The following ADAMTSL1 variants were observed in gnomAD, a reference collection of about 807,000 sequenced individuals.
ADAMTSL1 encodes ADAMTS like 1, also known as ADAMTS-like protein 1.
ADAMTSL1 carries 126 observed loss-of-function variants against 201.8 expected under a neutral mutation model. That is an observed-to-expected ratio of 0.62 (90% CI 0.54 to 0.72). The LOEUF (loss-of-function observed/expected upper bound fraction) is 0.72, where lower values mean the gene tolerates loss of function less well. ADAMTSL1 is among the 30% of genes least tolerant of loss of function. The pLI is 0.00. For missense variants in ADAMTSL1, 2,679 were observed against 2,277.8 expected, an observed-to-expected ratio of 1.18 and a Z score of -3.59; for synonymous variants, 1,121 against 903.4, an observed-to-expected ratio of 1.24 and a Z score of -4.32.
intron 2 of ADAMTSL1, among the ~76,000 whole-genome samples, chr9:18,465,702 G>A (rs1284797732): frequency 6.6e-6 from 1 of 152,154 alleles, no homozygotes; most frequent in Non-Finnish European, 1.5e-5. Flanking sequence ...AAAAAGAATA[G>A]ATATGGATGG....
chr9:18,114,631 A>G lies in ADAMTSL1; in HGVS notation c.88-49231A>G, dbSNP rs180748493. ...TTTGGTATTGCTCATATATGAAGAA[A>G]AAATTGTTACATCAGACTCTGGAAC... On this transcript the variant is annotated intron_variant, in intron 1 of 29. Coordinates refer to the ADAMTSL1 transcript ENST00000680146. Among the ~76,000 whole-genome samples, 215 of 152,278 alleles carry G rather than the reference A, an allele frequency of 1.4e-3. 1 individual carries two copies. Among genetic ancestry groups the G allele is most frequent in the African/African-American group, 5.1e-3 (211 of 41,584 alleles).
chr9:18,522,457 A>G (rs1444534178), intron 2 of ADAMTSL1, among the ~76,000 whole-genome samples: 1 of 152,024 alleles, frequency 6.6e-6, no homozygotes, highest in Non-Finnish European at 1.5e-5. Flanking sequence ...TTATTTTATT[A>G]TACTTTAAGT....
At chr9:18,673,117 T>A (rs1829929294) in intron 9 of ADAMTSL1, among the ~76,000 whole-genome samples, 1 of 152,318 alleles carries the variant, frequency 6.6e-6, no homozygotes. Context: ...TTCAGATGCA[T>A]GTCTGAATGC....
intron 2 of ADAMTSL1, among the ~76,000 whole-genome samples, chr9:18,327,736 A>G (rs1834882082): frequency 6.6e-6 from 1 of 152,224 alleles, no homozygotes; most frequent in Non-Finnish European, 1.5e-5. Context: ...GGGTGATTAT[A>G]AAAGGTCTTG....
At chr9:18,325,573 A>T (rs1223059283) in intron 2 of ADAMTSL1, among the ~76,000 whole-genome samples, 2 of 152,166 alleles carry the variant, frequency 1.3e-5, no homozygotes, top group East Asian at 1.9e-4. Flanking sequence ...TGAGTAATTT[A>T]AAAAGAATGG....
At position 18,743,435 on chromosome 9, in the gene ADAMTSL1, C is replaced by T. The variant is rs550530287; in HGVS notation, c.2007-9863C>T. Among the ~76,000 whole-genome samples, 30 of 152,066 alleles carry T rather than the reference C, an allele frequency of 2.0e-4. 2 individuals carry two copies. The South Asian group carries it at 5.4e-3, about 27-fold the overall frequency. ...TTATTAATTTACAAAATAGCAAAGA[C>T]GGTTTGACAAGAGTCATATGTAATG... On this transcript the variant is annotated intron_variant, in intron 15 of 28. Transcript: ENST00000380548.
intron 2 of ADAMTSL1, among the ~76,000 whole-genome samples, chr9:18,401,032 C>G (rs1297421776): frequency 3.3e-5 from 5 of 152,088 alleles, no homozygotes; most frequent in African/African-American, 1.2e-4. Context: ...GGAAATTGAC[C>G]AGAGAGAAAG....
At chr9:18,101,362 G>T (rs539220064) in intron 1 of ADAMTSL1, among the ~76,000 whole-genome samples, 27 of 152,108 alleles carry the variant, frequency 1.8e-4, no homozygotes, top group African/African-American at 6.0e-4. Context: ...GCTAGGCGTG[G>T]TGGCATGTGC....
At position 18,375,332 on chromosome 9, in the gene ADAMTSL1, AT is replaced by A. The variant is rs201909230; in HGVS notation, c.208-129489del. 7.8e-3 allele frequency among the ~76,000 whole-genome samples: 1,182 copies of A among 151,842 alleles called. 7 individuals are homozygous for A. Among genetic ancestry groups the A allele is most frequent in the Middle Eastern group, 0.02 (6 of 294 alleles). On this transcript the variant is annotated intron_variant, in intron 2 of 29. Transcript: ENST00000680146. ...ACTGATTACTGGTGGGCTAATTGCT[AT>A]TTTTTTTATTTTATTTATTTTATAT...
At chr9:18,034,881 C>T (rs1291095551) in intron 1 of ADAMTSL1, among the ~76,000 whole-genome samples, 1 of 152,084 alleles carries the variant, frequency 6.6e-6, no homozygotes, top group African/African-American at 2.4e-5. Flanking sequence ...TTCAGTCTTT[C>T]CTCATGTTCT....
Position 18,777,527 on chromosome 9 carries a change from C to T in ADAMTSL1, c.3298C>T (p.Leu1100=), listed in dbSNP as rs1821123361. The T allele has an allele frequency of 6.2e-7, 1 of 1,602,390 alleles. No homozygotes were observed. Among genetic ancestry groups the T allele is most frequent in the Non-Finnish European group, 8.5e-7 (1 of 1,174,882 alleles). ...GCTGCGCGACCTCTACAGCAAGCAC[C>T]TGGTGGCCCAGCTGGCCCAGGAGAT... ...EELRDLYSKH[L]VAQLAQEIFR... The change falls in exon 19 of 29, where the codon CTG becomes TTG. Residue 1100 remains leucine, a synonymous_variant. Transcript: ENST00000380548.
chr9:18,206,849 C>T (rs575024714), intron 2 of ADAMTSL1, among the ~76,000 whole-genome samples: 12 of 152,122 alleles, frequency 7.9e-5, no homozygotes, highest in African/African-American at 1.4e-4. Flanking sequence ...CTGTCTCCTA[C>T]GTGACCAGCA....
At chr9:18,674,198 G>GCA (rs546082192) in intron 9 of ADAMTSL1, among the ~76,000 whole-genome samples, 129 of 58,198 alleles carry the variant, frequency 2.2e-3, no homozygotes, top group East Asian at 5.7e-3. Flanking sequence ...ACACACACAG[G>GCA]CACACACACA....
chr9:18,620,915 A>G (rs1281847548), intron 4 of ADAMTSL1, among the ~76,000 whole-genome samples: 1 of 152,236 alleles, frequency 6.6e-6, no homozygotes, highest in Non-Finnish European at 1.5e-5. Flanking sequence ...AATAGAGTAC[A>G]TATATAACAC....
intron 16 of ADAMTSL1, among the ~76,000 whole-genome samples, chr9:18,758,253 T>C (rs993904970): frequency 1.3e-5 from 2 of 152,212 alleles, no homozygotes; most frequent in African/African-American, 4.8e-5. Flanking sequence ...TATCTGCTCT[T>C]AACTGTTAAA....
intron 2 of ADAMTSL1, among the ~76,000 whole-genome samples, chr9:18,372,126 C>G (rs1312344314): frequency 1.3e-5 from 2 of 152,182 alleles, no homozygotes; most frequent in Admixed American, 6.5e-5. Flanking sequence ...AGAGCAAAAT[C>G]TGAGAGCTTA....
At chr9:18,526,928 G>A (rs1317168516) in intron 2 of ADAMTSL1, among the ~76,000 whole-genome samples, 1 of 152,094 alleles carries the variant, frequency 6.6e-6, no homozygotes, top group East Asian at 1.9e-4. Context: ...TGCGAAACAT[G>A]GCTTTATGTC....
chr9:18,397,830 C>T (rs1374220017), intron 2 of ADAMTSL1, among the ~76,000 whole-genome samples: 1 of 152,130 alleles, frequency 6.6e-6, no homozygotes, highest in African/African-American at 2.4e-5. Flanking sequence ...ACCTCATTGT[C>T]CTACTCCAAA....
chr9:18,403,391 C>T (rs1818063430), intron 2 of ADAMTSL1, among the ~76,000 whole-genome samples: 1 of 151,998 alleles, frequency 6.6e-6, no homozygotes, highest in African/African-American at 2.4e-5. Context: ...ACCATATTGG[C>T]CAGCCTGGTC....
Sources: gnomAD v4.1 joint callset for allele counts (sites outside exome capture counted in the v4.1 genomes callset) on GRCh38, gnomAD v4.1.1 for gene constraint, MANE v1.5 for transcripts, NCBI Gene and HGNC (gene_info 2026-07-23, HGNC 2026-07-21) for gene names.